The following ASRGL1 variants were observed in gnomAD, a reference collection of about 807,000 sequenced individuals.
ASRGL1 encodes isoaspartyl peptidase/L-asparaginase.
In ASRGL1, 16 loss-of-function variants were observed where a neutral mutation model predicts 22.4. That is an observed-to-expected ratio of 0.71 (90% CI 0.48 to 1.08). The LOEUF (loss-of-function observed/expected upper bound fraction) is 1.08. ASRGL1 is among the 50% of genes least tolerant of loss of function. The pLI is 0.00. For missense variants in ASRGL1, 412 were observed against 410.1 expected (o/e 1.00, Z -0.04); for synonymous variants, 165 against 159.3 (o/e 1.04, Z -0.27).
chr11:62,393,845 C>T (rs991379877), downstream of ASRGL1, among the ~76,000 whole-genome samples: 1 of 151,662 alleles, frequency 6.6e-6, no homozygotes, highest in East Asian at 1.9e-4. Flanking sequence ...GTGTCGGCCA[C>T]GTTGGTGTCT....
intron 2 of ASRGL1, among the ~76,000 whole-genome samples, chr11:62,353,812 A>G (rs1306147987): frequency 1.3e-5 from 2 of 152,160 alleles, no homozygotes; most frequent in African/African-American, 2.4e-5. Flanking sequence ...GACTTTGGAT[A>G]TTATTTATAT....
chr11:62,337,860 C>A, intron 1 of ASRGL1, 30 bp from the exon 2 acceptor site: 3 of 1,160,548 alleles, frequency 2.6e-6, no homozygotes, highest in Non-Finnish European at 3.6e-6. Flanking sequence ...CCCAGCCGTT[C>A]AGAACAGAGA....
In ASRGL1 at chr11:62,372,049, G is replaced by A. The variant is rs1167910722; in HGVS notation, c.491+14905G>A. The A allele has an allele frequency of 5.3e-6, 4 of 751,142 alleles. No individual in the cohort carries two copies. The African/African-American group carries it at 6.9e-5, about 13-fold the overall frequency. The allele number at this position is 751,142 out of a possible 1,614,324, so 46.5% of individuals were successfully genotyped here. A position where few individuals can be genotyped will look rare whatever the true frequency, so the allele number is the denominator to read the frequency against. ...GACCCCATAGGTATGGGTGCCTGGC[G>A]GGGGTCCGGGTGCGGACAGTGGTCT... On this transcript the variant is annotated intron_variant, in intron 4 of 6. Coordinates refer to ENST00000415229, the MANE Select transcript of ASRGL1 (RefSeq NM_001083926.2).
At chr11:62,340,741 G>A (rs190390730) in intron 2 of ASRGL1, among the ~76,000 whole-genome samples, 6 of 152,292 alleles carry the variant, frequency 3.9e-5, no homozygotes, top group Admixed American at 2.6e-4. Flanking sequence ...TTTTAACAGC[G>A]TACTGTGGAC....
intron 4 of ASRGL1, among the ~76,000 whole-genome samples, chr11:62,387,842 A>G (rs11820258): frequency 0.28 from 42,945 of 152,144 alleles, 6,161 homozygotes; most frequent in South Asian, 0.36. Flanking sequence ...ACTTAAAACA[A>G]TGCCTCAAAT....
chr11:62,358,857 G>C (rs1565159777), intron 4 of ASRGL1, among the ~76,000 whole-genome samples: 2 of 152,142 alleles, frequency 1.3e-5, no homozygotes, highest in African/African-American at 4.8e-5. Context: ...TTTGGAGTGT[G>C]GGGAAGATTC....
rs60507577 is a variant in ASRGL1, at chr11:62,362,891, A to ATTTT, written c.491+5789_491+5792dup. Among the ~76,000 whole-genome samples the ATTTT allele has an allele frequency of 1.4e-4, 7 of 50,362 alleles. 2 individuals are homozygous for ATTTT. Among genetic ancestry groups the ATTTT allele is most frequent in the African/African-American group, 3.9e-4 (4 of 10,258 alleles). The allele number at this position is 50,362 out of a possible 152,430, so 33.0% of individuals were successfully genotyped here. On this transcript the variant is annotated intron_variant, in intron 4 of 6. Coordinates refer to ENST00000415229, the MANE Select transcript of ASRGL1 (RefSeq NM_001083926.2). ...GGCTACTTCACCTTTAAAGGATTTA[A>ATTTT]TTTTTTTTTTTTTTTTTTTTTTTTT...
At chr11:62,353,589 G>A (rs1173582839) in intron 2 of ASRGL1, among the ~76,000 whole-genome samples, 1 of 151,984 alleles carries the variant, frequency 6.6e-6, no homozygotes, top group Non-Finnish European at 1.5e-5. Flanking sequence ...TCTTGCCTCA[G>A]CCTCCCAAAG....
chr11:62,391,575 G>A lies in ASRGL1; in HGVS notation c.664G>A (p.Gly222Arg), dbSNP rs1565177067. Residue 222 changes from glycine to arginine, a missense_variant, in exon 6 of 7, where the codon GGG becomes AGG. Physicochemically the swap from Gly to Arg is moderately radical, Grantham distance 125. Transcript: ENST00000415229. ...CGGAGCCGTCTCAACCACAGGGCAT[G>A]GGGAAAGCATCCTGAAGGTGAACCT... ...DIGAVSTTGH[G>R]ESILKVNLAR... 2 of 1,612,754 alleles carry A rather than the reference G, an allele frequency of 1.2e-6. No individual in the cohort carries two copies. The highest frequency in any genetic ancestry group is 1.7e-6 in the Non-Finnish European group (2 of 1,179,476).
chr11:62,391,929 A>T, intron 6 of ASRGL1, 150 bp from the exon 7 acceptor site: 2 of 924,172 alleles, frequency 2.2e-6, no homozygotes, highest in Non-Finnish European at 3.3e-6. Flanking sequence ...GTCTCAGGGC[A>T]AGGAGGTGAG....
chr11:62,384,639 G>A (rs1229899441), intron 4 of ASRGL1, among the ~76,000 whole-genome samples: 1 of 149,604 alleles, frequency 6.7e-6, no homozygotes, highest in African/African-American at 2.5e-5. Context: ...TTCATGGCTG[G>A]GTGTGGTGGC....
chr11:62,395,174 G>A (rs1257469554), downstream of ASRGL1, among the ~76,000 whole-genome samples: 1 of 152,048 alleles, frequency 6.6e-6, no homozygotes, highest in Non-Finnish European at 1.5e-5. Context: ...AAACACAAAC[G>A]CTAGCAAATG....
chr11:62,337,874 G>A lies in ASRGL1; in HGVS notation c.-88-16G>A, dbSNP rs1945761361. ...ACCCAGCCGTTCAGAACAGAGACTG[G>A]GCATTGTCCCCACAGGGTCTCCCGA... On this transcript the variant is annotated splice_polypyrimidine_tract_variant and intron_variant, in intron 1 of 6. Coordinates refer to ENST00000415229, the MANE Select transcript of ASRGL1 (RefSeq NM_001083926.2). The A allele has an allele frequency of 8.0e-7, 1 of 1,257,758 alleles. No individual in the cohort carries two copies. Among genetic ancestry groups the A allele is most frequent in the Admixed American group, 2.3e-5 (1 of 43,450 alleles). The allele number at this position is 1,257,758 out of a possible 1,614,324, so 77.9% of individuals were successfully genotyped here. A position where few individuals can be genotyped will look rare whatever the true frequency, so the allele number is the denominator to read the frequency against.
chr11:62,354,153 A>T (rs1249132466), intron 2 of ASRGL1, among the ~76,000 whole-genome samples: 1 of 152,226 alleles, frequency 6.6e-6, no homozygotes, highest in African/African-American at 2.4e-5. Flanking sequence ...GTTCTTACCC[A>T]TTTTACACAT....
Position 62,356,466 on chromosome 11 carries a change from A to G in ASRGL1, c.332A>G (p.Lys111Arg). Residue 111 changes from lysine to arginine, a missense_variant and splice_region_variant, in exon 3 of 7, where the codon AAG becomes AGG. Coordinates refer to ENST00000415229, the MANE Select transcript of ASRGL1 (RefSeq NM_001083926.2). ...PIKLARLVMEKTPHCFLTDQG... is the reference protein window; with the variant it reads ...PIKLARLVMERTPHCFLTDQG... ...AAACTTGCTCGGCTTGTCATGGAAA[A>G]GGTATATGTGACTAAAGCAGCCTTT... is the stretch of plus-strand genomic sequence containing the variant. 6.2e-7 allele frequency: 1 copy of G among 1,614,048 alleles called. No homozygotes were observed. Among genetic ancestry groups the G allele is most frequent in the African/African-American group, 1.3e-5 (1 of 75,050 alleles).
At chr11:62,397,133 G>C (rs1371077758), downstream of ASRGL1, among the ~76,000 whole-genome samples, 1 of 152,108 alleles carries the variant, frequency 6.6e-6, no homozygotes, top group Non-Finnish European at 1.5e-5. Context: ...GGGTTCAAGC[G>C]ATTCTCCTGC....
chr11:62,361,400 C>T (rs1192824874), intron 4 of ASRGL1, among the ~76,000 whole-genome samples: 5 of 150,502 alleles, frequency 3.3e-5, no homozygotes, highest in Admixed American at 1.3e-4. Flanking sequence ...TGCCCAGGCT[C>T]GTCTTAAGCT....
At chr11:62,348,689 C>G (rs1485467096) in intron 2 of ASRGL1, among the ~76,000 whole-genome samples, 1 of 149,380 alleles carries the variant, frequency 6.7e-6, no homozygotes, top group Admixed American at 6.7e-5. Context: ...GGTGACAGAG[C>G]GAGACTCCTC....
chr11:62,347,406 C>T (rs1246705089), intron 2 of ASRGL1, among the ~76,000 whole-genome samples: 2 of 152,134 alleles, frequency 1.3e-5, no homozygotes, highest in Non-Finnish European at 1.5e-5. Context: ...AAAGTTCAGG[C>T]CCTCTGATTA....
Sources: gnomAD v4.1 joint callset for allele counts (sites outside exome capture counted in the v4.1 genomes callset) on GRCh38, gnomAD v4.1.1 for gene constraint, MANE v1.5 for transcripts, NCBI Gene and HGNC (gene_info 2026-07-23, HGNC 2026-07-21) for gene names.